Variants in RAB27B observed in about 807,000 individuals in gnomAD.
RAB27B encodes ras-related protein Rab-27B.
RAB27B carries 15 observed loss-of-function variants against 24.6 expected under a neutral mutation model. That is an observed-to-expected ratio of 0.61 (90% confidence interval 0.41 to 0.94). The LOEUF (loss-of-function observed/expected upper bound fraction) is 0.94, where lower values mean the gene tolerates loss of function less well. Among genes scored for constraint, RAB27B ranks in the 40% least tolerant of loss-of-function variants. RAB27B has a pLI of 0.00. For missense variants in RAB27B, 261 were observed against 266.8 expected, an observed-to-expected ratio of 0.98 and a Z score of 0.15; for synonymous variants, 105 against 92.5, an observed-to-expected ratio of 1.14 and a Z score of -0.78.
chr18:54,740,681 T>C (rs997632495), intron 2 of RAB27B, among the ~76,000 whole-genome samples: 1 of 152,208 alleles, frequency 6.6e-6, no homozygotes, highest in Non-Finnish European at 1.5e-5. Context: ...GTATACATGC[T>C]GGATCAGCAA....
At chr18:54,795,216 C>T (rs184179655) in intron 2 of RAB27B, among the ~76,000 whole-genome samples, 27 of 152,308 alleles carry the variant, frequency 1.8e-4, no homozygotes, top group African/African-American at 5.8e-4. Context: ...CCCCCACACC[C>T]GCCCTAGACT....
intron 2 of RAB27B, among the ~76,000 whole-genome samples, chr18:54,744,569 C>A (rs550462802): frequency 6.6e-6 from 1 of 152,268 alleles, no homozygotes; most frequent in South Asian, 2.1e-4. Flanking sequence ...GATAATTATT[C>A]TTATTTGATC....
chr18:54,797,980 T>G lies in RAB27B; in HGVS notation c.-19-79587T>G, dbSNP rs567312305. 5.4e-4 allele frequency among the ~76,000 whole-genome samples: 82 copies of G among 152,350 alleles called. 1 individual carries two copies. The South Asian group carries it at 0.016, about 30-fold the overall frequency. ...TAGTGTCAGCTCTACCCTTAAAGATTCTGACTTAATTGATTCGGATAAGTT... is the reference window on the plus strand; with the variant it reads ...TAGTGTCAGCTCTACCCTTAAAGATGCTGACTTAATTGATTCGGATAAGTT... On this transcript the variant is annotated intron_variant, in intron 2 of 4. Transcript: ENST00000586570.
intron 1 of RAB27B, among the ~76,000 whole-genome samples, chr18:54,832,836 G>A (rs984554240): frequency 6.6e-6 from 1 of 152,102 alleles, no homozygotes; most frequent in Non-Finnish European, 1.5e-5. Context: ...TGGCGGTGTG[G>A]AATCATTGGC....
chr18:54,725,294 T>A (rs1245825898), intron 2 of RAB27B, among the ~76,000 whole-genome samples: 4 of 151,610 alleles, frequency 2.6e-5, no homozygotes, highest in Non-Finnish European at 5.9e-5. Context: ...GTTCTTTTTT[T>A]TCTTCCTTCT....
At position 54,850,357 on chromosome 18, in the gene RAB27B, T is replaced by TATATATACACATAC. The variant is rs1264669719; in HGVS notation, c.-20+21660_-20+21661insTATACACATACATA. Among the ~76,000 whole-genome samples, 26 of 130,584 alleles carry TATATATACACATAC rather than the reference T, an allele frequency of 2.0e-4. 1 individual carries two copies. The highest frequency in any genetic ancestry group is 6.5e-4 in the African/African-American group (21 of 32,214). 85.7% of individuals were successfully genotyped at this position (130,584 alleles called of 152,430 possible). On this transcript the variant is annotated intron_variant, in intron 1 of 5. Transcript: ENST00000262094. ...GGATATATATATATATATATATATA[T>TATATATACACATAC]ATACATACATACATATGTTTAGTTT...
At chr18:54,795,777 A>G (rs1909397526) in intron 2 of RAB27B, among the ~76,000 whole-genome samples, 1 of 152,174 alleles carries the variant, frequency 6.6e-6, no homozygotes, top group African/African-American at 2.4e-5. Context: ...TTTTGCATGT[A>G]TGCATTGTAT....
chr18:54,729,807 A>C (rs1909671749), intron 2 of RAB27B, among the ~76,000 whole-genome samples: 1 of 152,212 alleles, frequency 6.6e-6, no homozygotes. Flanking sequence ...ATTTAAAAAA[A>C]TAATCCACTT....
chr18:54,786,460 C>A (rs1909088916), intron 2 of RAB27B, among the ~76,000 whole-genome samples: 1 of 152,142 alleles, frequency 6.6e-6, no homozygotes, highest in Non-Finnish European at 1.5e-5. Flanking sequence ...TAATACAAAT[C>A]AGCAATAAAA....
intron 2 of RAB27B, among the ~76,000 whole-genome samples, chr18:54,758,925 A>G (rs574835192): frequency 6.6e-6 from 1 of 152,342 alleles, no homozygotes; most frequent in South Asian, 2.1e-4. Context: ...GGATCAGAAG[A>G]CTTCAAACGT....
At chr18:54,869,207 T>C (rs1329137350) in intron 1 of RAB27B, among the ~76,000 whole-genome samples, 2 of 152,234 alleles carry the variant, frequency 1.3e-5, no homozygotes, top group Non-Finnish European at 2.9e-5. Flanking sequence ...GTCAATATTG[T>C]TCTGCATCTG....
intron 2 of RAB27B, among the ~76,000 whole-genome samples, chr18:54,780,933 A>G (rs1175340065): frequency 6.6e-6 from 1 of 152,184 alleles, no homozygotes; most frequent in East Asian, 1.9e-4. Flanking sequence ...GTAGTGTTCT[A>G]CATAGCCTTA....
chr18:54,810,209 T>A (rs1056516184), intron 2 of RAB27B, among the ~76,000 whole-genome samples: 1 of 152,184 alleles, frequency 6.6e-6, no homozygotes, highest in African/African-American at 2.4e-5. Context: ...TTTGTGTGTA[T>A]ATTTTCTTGG....
intron 4 of RAB27B, among the ~76,000 whole-genome samples, chr18:54,887,495 C>A (rs1232925966): frequency 2.6e-5 from 4 of 152,010 alleles, no homozygotes; most frequent in Admixed American, 2.6e-4. Flanking sequence ...GAAGAAATCC[C>A]CTTAACCAAG....
chr18:54,828,113 A>T (rs1910534044), upstream of RAB27B: 1 of 151,754 alleles, frequency 6.6e-6, no homozygotes, highest in African/African-American at 2.4e-5. Flanking sequence ...TCTGCTCCCC[A>T]CTCGCAATCC....
At chr18:54,752,567 C>G (rs1017011125) in intron 2 of RAB27B, among the ~76,000 whole-genome samples, 12 of 152,172 alleles carry the variant, frequency 7.9e-5, no homozygotes, top group Non-Finnish European at 1.5e-5. Flanking sequence ...AGGAGTGAAA[C>G]AGCAGAGTCC....
At chr18:54,875,414 T>A (rs907798208) in intron 1 of RAB27B, among the ~76,000 whole-genome samples, 7 of 152,188 alleles carry the variant, frequency 4.6e-5, no homozygotes, top group Non-Finnish European at 1.0e-4. Context: ...AATGTCTGTA[T>A]TGGAATAATT....
At chr18:54,762,017 T>C (rs1286519618) in intron 2 of RAB27B, among the ~76,000 whole-genome samples, 3 of 152,082 alleles carry the variant, frequency 2.0e-5, no homozygotes, top group Non-Finnish European at 2.9e-5. Context: ...AAAGAGAAGA[T>C]ACAGAAACAC....
intron 1 of RAB27B, among the ~76,000 whole-genome samples, chr18:54,859,553 G>T (rs905618800): frequency 1.3e-5 from 2 of 151,432 alleles, no homozygotes; most frequent in Admixed American, 1.3e-4. Flanking sequence ...GGCACTCTCT[G>T]TTGTCAGAAC....
Sources: allele counts gnomAD v4.1 joint callset (sites outside exome capture counted in the v4.1 genomes callset), GRCh38; gene constraint gnomAD v4.1.1; transcripts MANE v1.5; gene names NCBI Gene and HGNC (gene_info 2026-07-23, HGNC 2026-07-21).